SH3RF3: variants seen among roughly 807,000 people sequenced by gnomAD.
The protein encoded by SH3RF3 is SH3 domain containing ring finger 3, also known as E3 ubiquitin-protein ligase SH3RF3.
SH3RF3 carries 29 observed loss-of-function variants against 66.3 expected under a neutral mutation model. The observed-to-expected ratio is 0.44, with a 90% CI of 0.33 to 0.60. SH3RF3 has a LOEUF of 0.60. SH3RF3 is among the 20% of genes least tolerant of loss of function. The pLI, the probability that SH3RF3 is intolerant of heterozygous loss-of-function variation, is 0.04. For synonymous variants in SH3RF3, 583 were observed against 532.0 expected (o/e 1.10, Z -1.32); for missense variants, 1,194 against 1,190.9 (o/e 1.00, Z -0.04).
chr2:109,451,420 T>C (rs7600602), intron 8 of SH3RF3, among the ~76,000 whole-genome samples: 103,328 of 152,106 alleles, frequency 0.68, 35,543 homozygotes, highest in African/African-American at 0.76. Context: ...AAGTGGGGGC[T>C]GTAATAGTTC....
intron 6 of SH3RF3, among the ~76,000 whole-genome samples, chr2:109,435,211 C>T (rs1455514221): frequency 6.6e-6 from 1 of 152,196 alleles, no homozygotes; most frequent in African/African-American, 2.4e-5. Context: ...ATGTTGAAGG[C>T]CATGGGTCCC....
intron 9 of SH3RF3, among the ~76,000 whole-genome samples, chr2:109,498,100 C>A (rs947978142): frequency 2.6e-5 from 4 of 152,178 alleles, no homozygotes; most frequent in Non-Finnish European, 4.4e-5. Flanking sequence ...CAGCAGGAAG[C>A]CCTCACAGAG....
chr2:109,242,433 C>T (rs1679807287), intron 1 of SH3RF3, among the ~76,000 whole-genome samples: 1 of 152,150 alleles, frequency 6.6e-6, no homozygotes, highest in Non-Finnish European at 1.5e-5. Flanking sequence ...GCCTAGAGTC[C>T]TGGGCCTTGG....
intron 1 of SH3RF3, among the ~76,000 whole-genome samples, chr2:109,184,690 C>A (rs1678148191): frequency 6.6e-6 from 1 of 152,188 alleles, no homozygotes; most frequent in Admixed American, 6.5e-5. Context: ...CTTCCCCCTG[C>A]CACCAGGAAG....
chr2:109,395,030 T>C (rs4676286), intron 3 of SH3RF3, among the ~76,000 whole-genome samples: 83,821 of 152,180 alleles, frequency 0.55, 23,940 homozygotes, highest in African/African-American at 0.69. Flanking sequence ...GGTGCCAAAT[T>C]CAGGCCCAGC....
At chr2:109,202,586 T>A (rs1307633126) in intron 1 of SH3RF3, among the ~76,000 whole-genome samples, 2 of 152,170 alleles carry the variant, frequency 1.3e-5, no homozygotes, top group Non-Finnish European at 2.9e-5. Flanking sequence ...CTTTAAAAAT[T>A]GAGAATTCCT....
chr2:109,294,307 T>A (rs1049295179), intron 1 of SH3RF3, among the ~76,000 whole-genome samples: 2 of 152,146 alleles, frequency 1.3e-5, no homozygotes, highest in African/African-American at 2.4e-5. Context: ...ATGCCTGTAA[T>A]CCCAGCACTT....
chr2:109,255,668 A>G (rs1287175112), intron 1 of SH3RF3, among the ~76,000 whole-genome samples: 3 of 152,216 alleles, frequency 2.0e-5, no homozygotes, highest in African/African-American at 7.2e-5. Context: ...TTAAGTAAAG[A>G]AACTACTTAC....
At chr2:109,420,628 G>C (rs1312259350) in intron 5 of SH3RF3, among the ~76,000 whole-genome samples, 1 of 152,092 alleles carries the variant, frequency 6.6e-6, no homozygotes, top group Non-Finnish European at 1.5e-5. Flanking sequence ...TGTATTTTTA[G>C]TAGAGATGGG....
intron 7 of SH3RF3, among the ~76,000 whole-genome samples, chr2:109,444,693 AG>A (rs1197483494): frequency 1.3e-5 from 2 of 152,172 alleles, no homozygotes; most frequent in Admixed American, 6.5e-5. Context: ...GTTCTAAGGG[AG>A]GGTCCTAGAG....
At chr2:109,238,369 G>A (rs191200064) in intron 1 of SH3RF3, among the ~76,000 whole-genome samples, 1 of 152,152 alleles carries the variant, frequency 6.6e-6, no homozygotes, top group Admixed American at 6.5e-5. Flanking sequence ...AACTACCAGA[G>A]CATGACAGCT....
At chr2:109,149,242 G>A (rs1020556064) in intron 1 of SH3RF3, among the ~76,000 whole-genome samples, 1 of 152,146 alleles carries the variant, frequency 6.6e-6, no homozygotes, top group African/African-American at 2.4e-5. Context: ...TCTCTAGTCA[G>A]ACACTAAGAA....
At chr2:109,395,846 A>G (rs1272159739) in intron 3 of SH3RF3, among the ~76,000 whole-genome samples, 2 of 152,188 alleles carry the variant, frequency 1.3e-5, no homozygotes, top group Non-Finnish European at 2.9e-5. Flanking sequence ...CTGGACTTGC[A>G]TACAACAACC....
chr2:109,171,240 C>T (rs185472560), intron 1 of SH3RF3, among the ~76,000 whole-genome samples: 63 of 152,182 alleles, frequency 4.1e-4, no homozygotes, highest in African/African-American at 1.5e-3. Context: ...GCTGTATTTG[C>T]TTACATGTAT....
chr2:109,206,490 CAAAAA>C (rs36060217), intron 1 of SH3RF3, among the ~76,000 whole-genome samples: 4 of 40,754 alleles, frequency 9.8e-5, no homozygotes, highest in African/African-American at 4.0e-4. Flanking sequence ...GACTCCGTCT[CAAAAA>C]AAAAAAAAAA....
intron 4 of SH3RF3, among the ~76,000 whole-genome samples, chr2:109,403,072 T>G (rs911051433): frequency 1.3e-5 from 2 of 152,112 alleles, no homozygotes; most frequent in African/African-American, 4.8e-5. Flanking sequence ...AATGGACTGG[T>G]TTTGCTCTTT....
At chr2:109,140,511 G>T (rs909275738) in intron 1 of SH3RF3, among the ~76,000 whole-genome samples, 1 of 151,934 alleles carries the variant, frequency 6.6e-6, no homozygotes, top group African/African-American at 2.4e-5. Flanking sequence ...CTCCCGAGTA[G>T]CTGGGACTAC....
At chr2:109,419,786 C>A in intron 5 of SH3RF3, 144 bp downstream of exon 5, 1 of 718,148 alleles carries the variant, frequency 1.4e-6, no homozygotes, top group Non-Finnish European at 2.3e-6. Context: ...AATAACACCG[C>A]TGAAGGGAGA....
chr2:109,158,795 G>T (rs1183695166), intron 1 of SH3RF3, among the ~76,000 whole-genome samples: 1 of 152,216 alleles, frequency 6.6e-6, no homozygotes, highest in Non-Finnish European at 1.5e-5. Context: ...TGATTCCCGA[G>T]TGTGCACTCT....
Sources: gnomAD v4.1 joint callset for allele counts (sites outside exome capture counted in the v4.1 genomes callset) on GRCh38, gnomAD v4.1.1 for gene constraint, MANE v1.5 for transcripts, NCBI Gene and HGNC (gene_info 2026-07-23, HGNC 2026-07-21) for gene names.